MACF1: variants seen among roughly 807,000 people sequenced by gnomAD.
The protein encoded by MACF1 is microtubule actin crosslinking factor 1.
MACF1 carries 193 observed loss-of-function variants against 854.8 expected under a neutral mutation model. The observed-to-expected ratio is 0.23, with a 90% CI of 0.20 to 0.25. The LOEUF (loss-of-function observed/expected upper bound fraction) is 0.25. Among genes scored for constraint, MACF1 ranks in the 10% least tolerant of loss-of-function variants. The probability of loss-of-function intolerance (pLI) is 1.00; values close to 1 mark genes in which losing one functional copy is unlikely to be tolerated. For missense variants in MACF1, 7,722 were observed against 8,929.1 expected (o/e 0.86, Z 5.45); for synonymous variants, 3,185 against 3,226.7 (o/e 0.99, Z 0.44).
At chr1:39,224,406 G>A (rs1326026852) in intron 1 of MACF1, among the ~76,000 whole-genome samples, 2 of 152,036 alleles carry the variant, frequency 1.3e-5, no homozygotes, top group African/African-American at 4.8e-5. Context: ...AGGGTAGAAT[G>A]GAATCTCAGA....
At position 39,361,693 on chromosome 1, in the gene MACF1, C is replaced by T. The variant is rs1315295623; in HGVS notation, c.12771+16C>T. 3.7e-6 allele frequency: 6 copies of T among 1,611,488 alleles called. No individual in the cohort carries two copies. The highest frequency in any genetic ancestry group is 4.5e-5 in the East Asian group (2 of 44,872). ...ACAGATCCAGGTGAGGATATATCTG[C>T]CATGTTAGCAGAATAAAGGGAAGAG... On this transcript the variant is annotated intron_variant, in intron 49 of 100. Coordinates refer to ENST00000564288, the MANE Select transcript of MACF1 (RefSeq NM_001394062.1).
chr1:39,318,937 G>A (rs1482508299), intron 30 of MACF1, among the ~76,000 whole-genome samples: 1 of 151,642 alleles, frequency 6.6e-6, no homozygotes, highest in Non-Finnish European at 1.5e-5. Context: ...AAAACCAAGG[G>A]AAAATTGTAA....
At chr1:39,361,297 T>A (rs1485103645) in intron 48 of MACF1, 63 bp from the exon 49 acceptor site, 3 of 1,508,128 alleles carry the variant, frequency 2.0e-6, no homozygotes, top group Non-Finnish European at 2.7e-6. Context: ...TAGTTATTAG[T>A]TTGTGGCTCA....
chr1:39,225,009 A>G (rs1644697734), intron 1 of MACF1, among the ~76,000 whole-genome samples: 2 of 152,004 alleles, frequency 1.3e-5, no homozygotes, highest in Non-Finnish European at 1.5e-5. Context: ...ACATACTGAC[A>G]CCCTGTCTCT....
At chr1:39,170,407 A>ATG (rs1212877047) in intron 2 of MACF1, among the ~76,000 whole-genome samples, 1 of 152,204 alleles carries the variant, frequency 6.6e-6, no homozygotes, top group Non-Finnish European at 1.5e-5. Context: ...ACAAATGTGT[A>ATG]TGAGCACCTA....
chr1:39,443,525 C>T lies in MACF1; in HGVS notation c.19382C>T (p.Pro6461Leu). The T allele has an allele frequency of 6.2e-7, 1 of 1,613,622 alleles. No homozygotes were observed. Among genetic ancestry groups the T allele is most frequent in the Non-Finnish European group, 8.5e-7 (1 of 1,179,844 alleles). The change falls in exon 79 of 101, where the codon CCC becomes CTC. Residue 6461 changes from proline (P) to leucine (L), a missense_variant. Around this residue, in one of 15 missense-constraint regions of MACF1, gnomAD observed 729 missense variants for 900.5 expected, o/e 0.81. Transcript: ENST00000564288. ...GAGAGCCAGCTTTCTGCATCTAAGC[C>T]CACAGGAGGACTTCCTGAAACTGCT... ...RMESQLSASK[P>L]TGGLPETARE...
chr1:39,385,521 G>A lies in MACF1; in HGVS notation c.13936G>A (p.Val4646Ile), dbSNP rs1466321349. 1 of 1,614,176 alleles carries A rather than the reference G, an allele frequency of 6.2e-7. No individual in the cohort carries two copies. Among genetic ancestry groups the A allele is most frequent in the Non-Finnish European group, 8.5e-7 (1 of 1,180,020 alleles). Residue 4646 changes from valine to isoleucine, a missense_variant, in exon 57 of 101, where the codon GTC becomes ATC. Val to Ile is a conservative substitution (Grantham distance 29, BLOSUM62 3). Transcript: ENST00000564288. ...GGGCATCCTAACAGGCCCTGGAGAT[G>A]TCTCTCTGTCCACCAGCCAAGTACA... ...AQGILTGPGD[V>I]SLSTSQVQKE...
rs752391660 is a variant in MACF1, at chr1:39,436,516, T to A, written c.17988+755T>A. On this transcript the variant is annotated intron_variant, in intron 70 of 100. Transcript: ENST00000564288. ...GTAAGGTACCCATCCCCATTGGGAC[T>A]AGGGTGTTCTTATAATGCTGAAAAT... is the stretch of plus-strand genomic sequence containing the variant. The A allele has an allele frequency of 3.7e-6, 6 of 1,610,178 alleles. No individual in the cohort carries two copies. In the African/African-American group the frequency reaches 6.7e-5, roughly 18 times the overall value.
rs547576871 is a variant in MACF1, at chr1:39,354,224, A to G, written c.11424+993A>G. On this transcript the variant is annotated intron_variant, in intron 44 of 100. Transcript: ENST00000564288. ...CCTCTGGGCCTTTACATGCTCTTGG[A>G]ACTTACTTGCTTCTCCATTGCATAA... is the stretch of plus-strand genomic sequence containing the variant. Among the ~76,000 whole-genome samples the G allele has an allele frequency of 9.9e-5, 15 of 152,092 alleles. No homozygotes were observed. The East Asian group carries it at 2.9e-3, about 29-fold the overall frequency.
intron 52 of MACF1, among the ~76,000 whole-genome samples, chr1:39,374,328 A>G (rs1569778148): frequency 6.6e-6 from 1 of 152,338 alleles, no homozygotes; most frequent in East Asian, 1.9e-4. Flanking sequence ...TTTTATTACT[A>G]GTCTGTGATA....
At chr1:39,237,279 C>A (rs1350209724) in intron 2 of MACF1, among the ~76,000 whole-genome samples, 2 of 152,212 alleles carry the variant, frequency 1.3e-5, no homozygotes, top group Non-Finnish European at 2.9e-5. Context: ...GACCTCTGTT[C>A]CTCAGATTAA....
At chr1:39,367,846 T>C (rs547581990) in intron 49 of MACF1, among the ~76,000 whole-genome samples, 2 of 152,192 alleles carry the variant, frequency 1.3e-5, no homozygotes, top group Admixed American at 6.5e-5. Flanking sequence ...GGCAGGAGAC[T>C]GTAATCCCAG....
chr1:39,196,383 A>G (rs914892938), intron 2 of MACF1, among the ~76,000 whole-genome samples: 29 of 152,292 alleles, frequency 1.9e-4, no homozygotes, highest in African/African-American at 6.7e-4. Context: ...CACATTGCCA[A>G]ACCTTAGAGG....
chr1:39,126,954 G>A (rs934907099), intron 2 of MACF1, among the ~76,000 whole-genome samples: 36 of 152,218 alleles, frequency 2.4e-4, no homozygotes, highest in African/African-American at 8.7e-4. Flanking sequence ...CCTGTTGGCC[G>A]GGTGCCTTGG....
chr1:39,449,416 T>A (rs1025315570), intron 84 of MACF1, among the ~76,000 whole-genome samples: 1 of 152,158 alleles, frequency 6.6e-6, no homozygotes, highest in Non-Finnish European at 1.5e-5. Context: ...TTTGTTTGTT[T>A]GAGACAGAGT....
upstream of MACF1, among the ~76,000 whole-genome samples, chr1:39,202,674 A>C (rs1644406904): frequency 6.6e-6 from 1 of 151,130 alleles, no homozygotes; most frequent in African/African-American, 2.4e-5. Context: ...TGACATTGAC[A>C]CTCCATCTCC....
intron 93 of MACF1, among the ~76,000 whole-genome samples, chr1:39,463,113 T>G (rs1644586410): frequency 6.6e-6 from 1 of 152,242 alleles, no homozygotes; most frequent in Non-Finnish European, 1.5e-5. Context: ...AGTGTCTCAA[T>G]TAGTTCACTT....
rs749904155 is a variant in MACF1, at chr1:39,357,733, T to G, written c.11783T>G (p.Ile3928Ser). ...CAAGGAAGCTTCTCAGAGGATGTCA[T>G]TTCCCACAAAGGAGACTTGAGATTT... ...KRQGSFSEDV[I>S]SHKGDLRFVT... The change falls in exon 45 of 101, where the codon ATT becomes AGT. Residue 3928 changes from isoleucine (I) to serine (S), a missense_variant. Around this residue, in one of 15 missense-constraint regions of MACF1, gnomAD observed 2,807 missense variants for 3,235.8 expected, o/e 0.87. Transcript: ENST00000564288. The G allele has an allele frequency of 1.2e-6, 2 of 1,613,994 alleles. No homozygotes were observed. Among genetic ancestry groups the G allele is most frequent in the Non-Finnish European group, 1.7e-6 (2 of 1,180,020 alleles).
chr1:39,097,523 A>G (rs1479884104), intron 2 of MACF1, among the ~76,000 whole-genome samples: 1 of 152,020 alleles, frequency 6.6e-6, no homozygotes, highest in Non-Finnish European at 1.5e-5. Flanking sequence ...GGGGTTCAAC[A>G]TCGGCCTGGG....
Sources: allele counts gnomAD v4.1 joint callset (sites outside exome capture counted in the v4.1 genomes callset), GRCh38; gene constraint gnomAD v4.1.1; regional missense constraint gnomAD v4.1.1; transcripts MANE v1.5; gene names NCBI Gene and HGNC (gene_info 2026-07-23, HGNC 2026-07-21).